ACACA: variants seen among roughly 807,000 people sequenced by gnomAD.
ACACA encodes the protein acetyl-CoA carboxylase alpha.
In ACACA, 103 loss-of-function variants were observed where a neutral mutation model predicts 296.1. The ratio of observed to expected loss-of-function variants is 0.35; its 90% CI spans 0.30 to 0.41. The LOEUF (loss-of-function observed/expected upper bound fraction) is 0.41, where lower values mean the gene tolerates loss of function less well. ACACA is among the 10% of genes least tolerant of loss of function. The probability of loss-of-function intolerance (pLI) is 1.00; values close to 1 mark genes in which losing one functional copy is unlikely to be tolerated. For missense variants in ACACA, 1,554 were observed against 2,989.7 expected (o/e 0.52, Z 11.20); for synonymous variants, 953 against 1,038.6 (o/e 0.92, Z 1.58).
chr17:37,283,073 T>C (rs1382144394), intron 5 of ACACA, among the ~76,000 whole-genome samples, 194 bp downstream of exon 5: 1 of 152,236 alleles, frequency 6.6e-6, no homozygotes, highest in East Asian at 1.9e-4. Context: ...GGAATCTGTA[T>C]TGAGGTTGAC....
chr17:37,279,843 T>C (rs529890557), intron 5 of ACACA, among the ~76,000 whole-genome samples: 8 of 152,234 alleles, frequency 5.3e-5, no homozygotes, highest in African/African-American at 1.9e-4. Context: ...CAGTTTATGC[T>C]TTACTGTACA....
rs536103227 is a variant in ACACA, at chr17:37,395,606, G to A, written c.38+10656C>T. On this transcript the variant is annotated intron_variant, in intron 1 of 55. Coordinates refer to ENST00000616317, the MANE Select transcript of ACACA (RefSeq NM_198834.3). Reference sequence around the variant, plus strand: ...GTTGCCCAGGCTGGAGTGCAATGGCGTGATCTCGGCTCACCGCAACCTCCG... The same window carrying A: ...GTTGCCCAGGCTGGAGTGCAATGGCATGATCTCGGCTCACCGCAACCTCCG... 1.3e-3 allele frequency among the ~76,000 whole-genome samples: 192 copies of A among 151,930 alleles called. 1 individual carries two copies. Among genetic ancestry groups the A allele is most frequent in the Non-Finnish European group, 2.3e-3 (159 of 67,958 alleles).
At chr17:37,405,497 G>C (rs868587913) in intron 1 of ACACA, among the ~76,000 whole-genome samples, 1 of 152,230 alleles carries the variant, frequency 6.6e-6, no homozygotes, top group East Asian at 1.9e-4. Context: ...TGTCTGGAAG[G>C]GTACATACCA....
chr17:37,312,587 T>C (rs1027460348), intron 3 of ACACA, among the ~76,000 whole-genome samples: 3 of 152,212 alleles, frequency 2.0e-5, no homozygotes, highest in Non-Finnish European at 4.4e-5. Context: ...GGCTTTACTC[T>C]GAAAGCAGAG....
chr17:37,268,725 C>CTA (rs1391160604), intron 10 of ACACA, among the ~76,000 whole-genome samples: 23 of 111,638 alleles, frequency 2.1e-4, no homozygotes, highest in African/African-American at 8.4e-4. Context: ...ATCTATCTAT[C>CTA]TATCTATCTA....
At chr17:37,274,500 C>T (rs1185403352) in intron 8 of ACACA, 9 of 677,544 alleles carry the variant, frequency 1.3e-5, no homozygotes, top group Non-Finnish European at 1.5e-5. Context: ...GGGTTCTTAA[C>T]GCTGGCAAAA....
chr17:37,272,307 T>C (rs554111094), intron 9 of ACACA, among the ~76,000 whole-genome samples: 1 of 152,020 alleles, frequency 6.6e-6, no homozygotes, highest in Non-Finnish European at 1.5e-5. Context: ...GGCATCACTG[T>C]ACTCCAGCCT....
chr17:37,367,135 A>G (rs1193994895), intron 1 of ACACA: 1 of 151,742 alleles, frequency 6.6e-6, no homozygotes, highest in Admixed American at 6.6e-5. Context: ...GTTAACTCCT[A>G]GACCTGCAGG....
At chr17:37,106,369 C>G (rs1162501283) in intron 52 of ACACA, among the ~76,000 whole-genome samples, 1 of 151,672 alleles carries the variant, frequency 6.6e-6, no homozygotes. Context: ...TTTTTAAAAC[C>G]CCATTTTCAT....
At chr17:37,174,382 C>T (rs989803346) in intron 41 of ACACA, among the ~76,000 whole-genome samples, 2 of 152,034 alleles carry the variant, frequency 1.3e-5, no homozygotes, top group African/African-American at 4.8e-5. Context: ...AGGCCACTCA[C>T]AAGGCTCATG....
At chr17:37,354,093 G>A (rs111490156) in intron 1 of ACACA, among the ~76,000 whole-genome samples, 25 of 152,288 alleles carry the variant, frequency 1.6e-4, no homozygotes, top group Middle Eastern at 3.4e-3. Context: ...GGATGACAGA[G>A]AGAGACCCTG....
intron 52 of ACACA, among the ~76,000 whole-genome samples, chr17:37,107,912 C>T (rs551020143): frequency 2.6e-5 from 4 of 152,318 alleles, no homozygotes; most frequent in East Asian, 1.9e-4. Flanking sequence ...AAGGCCGTCC[C>T]GCTCCACAGC....
chr17:37,369,717 G>A (rs562541908), intron 1 of ACACA, among the ~76,000 whole-genome samples: 6 of 150,736 alleles, frequency 4.0e-5, no homozygotes, highest in African/African-American at 1.5e-4. Flanking sequence ...TTTTTGTTTT[G>A]TTTTTGAGAT....
intron 51 of ACACA, among the ~76,000 whole-genome samples, 160 bp from the exon 52 acceptor site, chr17:37,111,803 C>T (rs982340321): frequency 1.3e-5 from 2 of 152,098 alleles, no homozygotes. Context: ...GAACAGTAGG[C>T]ACCAGAGAAG....
chr17:37,379,079 C>T (rs1019549775), intron 1 of ACACA: 1 of 1,542,026 alleles, frequency 6.5e-7, no homozygotes, highest in African/African-American at 1.4e-5. Context: ...CTCAAAAAAA[C>T]CAACCAAACA....
At position 37,406,694 on chromosome 17, in the gene ACACA, G is replaced by C. The variant is rs1162535113; in HGVS notation, c.-395C>G. 4 of 345,296 alleles carry C rather than the reference G, an allele frequency of 1.2e-5. No homozygotes were observed. The highest frequency in any genetic ancestry group is 2.2e-5 in the Non-Finnish European group (4 of 181,804). 21.4% of individuals were successfully genotyped at this position (345,296 alleles called of 1,614,324 possible). ...GATTACTGGTCGGATCAAAAGTCAGGCAAGCGGCTCAGCCCCATCCTCCCA... is the reference window on the plus strand; with the variant it reads ...GATTACTGGTCGGATCAAAAGTCAGCCAAGCGGCTCAGCCCCATCCTCCCA... On this transcript the variant is annotated 5_prime_UTR_variant, in exon 1 of 56. Transcript: ENST00000616317.
chr17:37,254,040 A>C (rs557317187), intron 14 of ACACA, among the ~76,000 whole-genome samples: 1 of 152,334 alleles, frequency 6.6e-6, no homozygotes, highest in Admixed American at 6.5e-5. Context: ...ATTTATGCCC[A>C]GTGTCTATCC....
chr17:37,231,349 C>A (rs2145805038), intron 25 of ACACA, among the ~76,000 whole-genome samples: 1 of 152,232 alleles, frequency 6.6e-6, no homozygotes, highest in East Asian at 1.9e-4. Flanking sequence ...GCCCTCAAGA[C>A]ATTAACTATT....
chr17:37,372,056 T>C (rs2049825859), intron 1 of ACACA, among the ~76,000 whole-genome samples: 2 of 152,090 alleles, frequency 1.3e-5, no homozygotes, highest in African/African-American at 4.8e-5. Flanking sequence ...GCCTCCATTA[T>C]TAAATTTTTT....
Sources: allele counts gnomAD v4.1 joint callset (sites outside exome capture counted in the v4.1 genomes callset), GRCh38; gene constraint gnomAD v4.1.1; transcripts MANE v1.5; gene names NCBI Gene and HGNC (gene_info 2026-07-23, HGNC 2026-07-21).